The following CNTN6 variants were observed in gnomAD, a reference collection of about 807,000 sequenced individuals.
The protein encoded by CNTN6 is contactin-6.
Under a neutral mutation model 122.8 loss-of-function variants are expected in CNTN6, and 137 were observed. The observed-to-expected ratio is 1.12, with a 90% CI of 0.97 to 1.29. The LOEUF is 1.29. Among genes scored for constraint, CNTN6 ranks in the 50% most tolerant of loss-of-function variants. CNTN6 has a pLI of 0.00. For synonymous variants in CNTN6, 570 were observed against 426.0 expected (o/e 1.34, Z -4.16); for missense variants, 1,634 against 1,223.4 (o/e 1.34, Z -5.01).
At chr3:1,309,506 C>T (rs1435811956) in intron 7 of CNTN6, among the ~76,000 whole-genome samples, 3 of 152,214 alleles carry the variant, frequency 2.0e-5, no homozygotes, top group Non-Finnish European at 4.4e-5. Flanking sequence ...GCCATTACCA[C>T]ATTGCCTCAA....
rs143452260 is a variant in CNTN6, at chr3:1,245,111, G to A, written c.358+17118G>A. On this transcript the variant is annotated intron_variant, in intron 4 of 22. Coordinates refer to ENST00000446702, the MANE Select transcript of CNTN6 (RefSeq NM_001289080.2). ...CCTGACAAAAAATCTTTGCACACAC[G>A]TGTTTATATTAGCACAATTTGCAAT... is the stretch of plus-strand genomic sequence containing the variant. Among the ~76,000 whole-genome samples, 390 of 142,162 alleles carry A rather than the reference G, an allele frequency of 2.7e-3. 4 individuals carry two copies. The highest frequency in any genetic ancestry group is 4.8e-3 in the Non-Finnish European group (316 of 65,834). The allele number at this position is 142,162 out of a possible 152,430, so 93.3% of individuals were successfully genotyped here. A position where few individuals can be genotyped will look rare whatever the true frequency, so the allele number is the denominator to read the frequency against.
chr3:1,363,725 G>A (rs1575871280), intron 12 of CNTN6, among the ~76,000 whole-genome samples: 2 of 151,904 alleles, frequency 1.3e-5, no homozygotes, highest in Admixed American at 6.6e-5. Context: ...ATGAACATGT[G>A]AGTGCAGATA....
At position 1,201,099 on chromosome 3, in the gene CNTN6, TTGTGTGTGTGTGTGTG is replaced by T. The variant is rs57028088; in HGVS notation, c.56-19556_56-19541del. On this transcript the variant is annotated intron_variant, in intron 2 of 22. Transcript: ENST00000446702. The stretch of plus-strand genomic sequence containing the variant: ...GGCACCACTGTGCCCAGCTAACATT[TTGTGTGTGTGTGTGTG>T]TGTGTGTGTGTGTGTGTGTGTGTGT... Among the ~76,000 whole-genome samples, 747 of 130,086 alleles carry T rather than the reference TTGTGTGTGTGTGTGTG, an allele frequency of 5.7e-3. 6 individuals carry two copies. The highest frequency in any genetic ancestry group is 0.015 in the African/African-American group (532 of 34,944). The allele number at this position is 130,086 out of a possible 152,430, so 85.3% of individuals were successfully genotyped here.
intron 4 of CNTN6, among the ~76,000 whole-genome samples, chr3:1,241,621 G>A (rs973472561): frequency 2.0e-5 from 3 of 152,074 alleles, no homozygotes; most frequent in Non-Finnish European, 4.4e-5. Flanking sequence ...GCCCAAGGGG[G>A]TTCAGCATAA....
intron 2 of CNTN6, among the ~76,000 whole-genome samples, chr3:1,158,817 C>CTCACACATATATAT (rs2093040629): frequency 3.3e-5 from 1 of 30,480 alleles, no homozygotes; most frequent in Non-Finnish European, 1.1e-4. Context: ...CATATATATA[C>CTCACACATATATAT]ACACACATAT....
chr3:1,342,393 G>A (rs985465553), intron 11 of CNTN6, among the ~76,000 whole-genome samples: 24 of 152,118 alleles, frequency 1.6e-4, no homozygotes, highest in African/African-American at 3.1e-4. Flanking sequence ...CTCCCAAAGC[G>A]TTGGGATTAA....
chr3:1,248,336 T>G (rs758747146), intron 4 of CNTN6, among the ~76,000 whole-genome samples: 3 of 152,224 alleles, frequency 2.0e-5, no homozygotes, highest in African/African-American at 7.2e-5. Context: ...TCTGTGATGT[T>G]GATCACATTC....
chr3:1,257,312 T>C (rs1425839289), intron 4 of CNTN6, among the ~76,000 whole-genome samples: 2 of 152,172 alleles, frequency 1.3e-5, no homozygotes, highest in Non-Finnish European at 2.9e-5. Context: ...ACTTGGCTAG[T>C]TGTGTTTTTA....
At chr3:1,401,938 G>A (rs570056823) in intron 21 of CNTN6, among the ~76,000 whole-genome samples, 2 of 152,108 alleles carry the variant, frequency 1.3e-5, no homozygotes, top group Admixed American at 1.3e-4. Context: ...TCTAACAAGA[G>A]TACAATCAAG....
intron 19 of CNTN6, among the ~76,000 whole-genome samples, chr3:1,384,129 TAAAGATCTGCTGTACAACTGTGCACA>T (rs1330750193): frequency 6.6e-6 from 1 of 152,218 alleles, no homozygotes; most frequent in East Asian, 1.9e-4. Flanking sequence ...GAGTAAGCTC[TAAAGATCTGCTGTACAACTGTGCACA>T]CAGAGTCAAC....
intron 1 of CNTN6, among the ~76,000 whole-genome samples, chr3:1,142,968 G>GTGTGTATA (rs1217250181): frequency 7.8e-5 from 10 of 128,650 alleles, no homozygotes; most frequent in African/African-American, 3.1e-4. Flanking sequence ...GTGTGTGTGT[G>GTGTGTATA]TATATATATA....
Position 1,373,962 on chromosome 3 carries a change from G to C in CNTN6, c.1984G>C (p.Val662Leu). 1 of 1,613,180 alleles carries C rather than the reference G, an allele frequency of 6.2e-7. No individual in the cohort carries two copies. Among genetic ancestry groups the C allele is most frequent in the Non-Finnish European group, 8.5e-7 (1 of 1,179,370 alleles). The change falls in exon 16 of 23, where the codon GTG becomes CTG. Residue 662 changes from valine (V) to leucine (L), a missense_variant. Coordinates refer to ENST00000446702, the MANE Select transcript of CNTN6 (RefSeq NM_001289080.2). ...ILNGKTYNAT[V>L]VGLSPWVEYE... ...CAATGGTAAGACATACAATGCAACA[G>C]TGGTTGGTTTGAGTCCTTGGGTGGA...
At chr3:1,338,066 C>T (rs1575762136) in intron 11 of CNTN6, among the ~76,000 whole-genome samples, 1 of 152,186 alleles carries the variant, frequency 6.6e-6, no homozygotes, top group East Asian at 1.9e-4. Flanking sequence ...GCTGTTTTAC[C>T]CTGCTGCCTT....
chr3:1,364,544 T>C (rs1707940131), intron 12 of CNTN6, among the ~76,000 whole-genome samples: 1 of 151,870 alleles, frequency 6.6e-6, no homozygotes, highest in Non-Finnish European at 1.5e-5. Context: ...ATTTTCTGTA[T>C]GGTCAGGAAA....
chr3:1,311,327 C>T (rs1396481437), intron 7 of CNTN6, among the ~76,000 whole-genome samples: 1 of 137,118 alleles, frequency 7.3e-6, no homozygotes. Context: ...TGTATATATA[C>T]ATATATGTAC....
In CNTN6 at chr3:1,385,771, C is replaced by G. The variant is rs781370752; in HGVS notation, c.2678C>G (p.Pro893Arg). ...GCTGGGACAGGGCCCTCAAGCCCCCCAGTCAATGTTACCACCAAAAAGTCT... is the reference window on the plus strand; with the variant it reads ...GCTGGGACAGGGCCCTCAAGCCCCCGAGTCAATGTTACCACCAAAAAGTCT... ...NTAGTGPSSP[P>R]VNVTTKKSPP... Residue 893 changes from proline (P) to arginine (R), a missense_variant, in exon 20 of 23, where the codon CCA (proline) becomes CGA (arginine). Coordinates refer to ENST00000446702, the MANE Select transcript of CNTN6 (RefSeq NM_001289080.2). 6.2e-7 allele frequency: 1 copy of G among 1,611,360 alleles called. No homozygotes were observed. The highest frequency in any genetic ancestry group is 8.5e-7 in the Non-Finnish European group (1 of 1,178,984).
chr3:1,257,146 T>G (rs933926655), intron 4 of CNTN6, among the ~76,000 whole-genome samples: 2 of 152,166 alleles, frequency 1.3e-5, no homozygotes, highest in African/African-American at 4.8e-5. Flanking sequence ...TTTTCTTATC[T>G]GTTTATTGGC....
intron 12 of CNTN6, among the ~76,000 whole-genome samples, chr3:1,358,473 A>G (rs1295496967): frequency 7.0e-6 from 1 of 143,642 alleles, no homozygotes; most frequent in Non-Finnish European, 1.5e-5. Context: ...TTTTTTTTTT[A>G]GGAATAAACT....
chr3:1,387,889 T>G (rs529486892), intron 20 of CNTN6, among the ~76,000 whole-genome samples: 2 of 152,146 alleles, frequency 1.3e-5, no homozygotes, highest in Non-Finnish European at 2.9e-5. Flanking sequence ...GATTATATCC[T>G]GCACCCGGCT....
Sources: allele counts gnomAD v4.1 joint callset (sites outside exome capture counted in the v4.1 genomes callset), GRCh38; gene constraint gnomAD v4.1.1; transcripts MANE v1.5; gene names NCBI Gene and HGNC (gene_info 2026-07-23, HGNC 2026-07-21).